Variants in SRMS observed in about 807,000 individuals in gnomAD.
SRMS encodes the protein tyrosine-protein kinase Srms.
SRMS carries 42 observed loss-of-function variants against 43.5 expected under a neutral mutation model. That is an observed-to-expected ratio of 0.97 (90% CI 0.75 to 1.25). The LOEUF (loss-of-function observed/expected upper bound fraction) is 1.25. Among genes scored for constraint, SRMS ranks in the 50% most tolerant of loss-of-function variants. SRMS has a pLI of 0.00. For synonymous variants in SRMS, 316 were observed against 308.2 expected, an observed-to-expected ratio of 1.03 and a Z score of -0.27; for missense variants, 703 against 681.0, an observed-to-expected ratio of 1.03 and a Z score of -0.36.
At chr20:63,545,817 C>T (rs965077016) in intron 1 of SRMS, among the ~76,000 whole-genome samples, 2 of 152,112 alleles carry the variant, frequency 1.3e-5, no homozygotes, top group Admixed American at 1.3e-4. Context: ...GAGACGCAAC[C>T]CTCTCACGTG....
At position 63,547,113 on chromosome 20, in the gene SRMS, G is replaced by A. The variant is rs758766522; in HGVS notation, c.351C>T (p.Asp117=). The change falls in exon 1 of 8, where the codon GAC becomes GAT. Residue 117 remains aspartate (D), a synonymous_variant. Coordinates refer to ENST00000217188, the MANE Select transcript of SRMS (RefSeq NM_080823.4). ...VAKASPETLS[D]QPWYFSGVSR... is the part of the protein sequence containing the mutation. ...TCCGAGGCCGAGGTACTCACGGTTG[G>A]TCTGAGAGCGTCTCAGGAGAAGCCT... The A allele has an allele frequency of 3.8e-6, 6 of 1,578,896 alleles. No homozygotes were observed. The highest frequency in any genetic ancestry group is 2.3e-5 in the South Asian group (2 of 86,920).
rs769815109 is a variant in SRMS at position 63,541,501 on chromosome 20, C to A, written c.1066G>T (p.Val356Leu). Reference sequence around the variant, plus strand: ...CAGGCCAGGCCGTCGTCCACGAGCACGTTCCGGGCGGCCAAGTCCCGGTGC... The same window carrying A: ...CAGGCCAGGCCGTCGTCCACGAGCAAGTTCCGGGCGGCCAAGTCCCGGTGC... ...VVHRDLAARN[V>L]LVDDGLACKV... is the part of the protein sequence containing the mutation. Residue 356 changes from valine to leucine, a missense_variant, in exon 6 of 8, where the codon GTG becomes TTG. Transcript: ENST00000217188. The A allele has an allele frequency of 2.5e-6, 4 of 1,608,048 alleles. No individual in the cohort carries two copies. The South Asian group carries it at 4.4e-5, about 18-fold the overall frequency.
At position 63,540,096 on chromosome 20, in the gene SRMS, G is replaced by T. The variant is rs1034755862; in HGVS notation, c.*722C>A. Among the ~76,000 whole-genome samples the T allele has an allele frequency of 6.6e-6, 1 of 152,200 alleles. No individual in the cohort carries two copies. The highest frequency in any genetic ancestry group is 1.5e-5 in the Non-Finnish European group (1 of 68,028). On this transcript the variant is annotated 3_prime_UTR_variant, in exon 8 of 8. Transcript: ENST00000217188. ...CGCTCCAGCTCCTGGGTCTGGGTTT[G>T]GGGGGCTGAGCCTGTGTGTGATGTG...
chr20:63,547,580 C>T lies in SRMS; in HGVS notation c.-117G>A. On this transcript the variant is annotated 5_prime_UTR_variant, in exon 1 of 8. Transcript: ENST00000217188. ...GCTCCCTGCCCTGGCCGTGGGGTGA[C>T]AGGGGACCCCGGCCCTGCGGTCACT... 1.0e-6 allele frequency: 1 copy of T among 981,810 alleles called. No homozygotes were observed. Among genetic ancestry groups the T allele is most frequent in the Non-Finnish European group, 1.4e-6 (1 of 704,680 alleles). The allele number at this position is 981,810 out of a possible 1,614,324, so 60.8% of individuals were successfully genotyped here.
In SRMS at chr20:63,542,422, A is replaced by G. The variant is rs1217405237; in HGVS notation, c.787+18T>C. 1.9e-6 allele frequency: 3 copies of G among 1,605,286 alleles called. No homozygotes were observed. The Admixed American group carries it at 5.0e-5, about 27-fold the overall frequency. ...CAGGTGCGGGGCCCGGCCGTGGCGCAGGATCTCGGGGCCTCACCTGACTTG... is the reference window on the plus strand; with the variant it reads ...CAGGTGCGGGGCCCGGCCGTGGCGCGGGATCTCGGGGCCTCACCTGACTTG... On this transcript the variant is annotated intron_variant, in intron 4 of 7. Transcript: ENST00000217188.
In SRMS at chr20:63,540,769, A is replaced by C; in HGVS notation, c.*49T>G. On this transcript the variant is annotated 3_prime_UTR_variant, in exon 8 of 8. Coordinates refer to ENST00000217188, the MANE Select transcript of SRMS (RefSeq NM_080823.4). ...CCCTTCGAGTTGGCGCTCTGCAGGG[A>C]GGAGGGGCTGGCCTGGCTGGAGCCC... The C allele has an allele frequency of 6.5e-7, 1 of 1,542,972 alleles. No individual in the cohort carries two copies. Among genetic ancestry groups the C allele is most frequent in the Middle Eastern group, 1.7e-4 (1 of 5,728 alleles).
rs142241990 is a variant in SRMS at position 63,547,246 on chromosome 20, C to T, written c.218G>A (p.Arg73His). ...GAGGGCACAGAGCCTGTCCCCGCGG[C>T]GGACACTCAGCTCCCCGCCACACCG... The part of the protein sequence containing the change: ...TARCGGELSV[R>H]RGDRLCALEE... Residue 73 changes from arginine to histidine, a missense_variant, in exon 1 of 8, where the codon CGC becomes CAC. Physicochemically the swap from Arg to His is conservative, Grantham distance 29 (BLOSUM62 0). Transcript: ENST00000217188. The T allele has an allele frequency of 2.4e-5, 39 of 1,609,578 alleles. No individual in the cohort carries two copies. The highest frequency in any genetic ancestry group is 1.7e-4 in the Middle Eastern group (1 of 5,960).
intron 2 of SRMS, 128 bp downstream of exon 2, chr20:63,544,099 T>C (rs933284835): frequency 9.6e-6 from 11 of 1,145,998 alleles, no homozygotes; most frequent in Non-Finnish European, 1.2e-5. Context: ...GACCAGCATA[T>C]CTGCTGTTGG....
At chr20:63,545,357 G>T (rs572932907) in intron 1 of SRMS, among the ~76,000 whole-genome samples, 2 of 152,202 alleles carry the variant, frequency 1.3e-5, no homozygotes, top group Non-Finnish European at 2.9e-5. Context: ...CCTGGGACCC[G>T]GAGAGGGATG....
Position 63,541,563 on chromosome 20 carries a change from GC to G in SRMS, c.1003del (p.Ala335LeufsTer4). 6.3e-7 allele frequency: 1 copy of G among 1,582,408 alleles called. No individual in the cohort carries two copies. Among genetic ancestry groups the G allele is most frequent in the Non-Finnish European group, 8.6e-7 (1 of 1,167,074 alleles). ...CTCCTCCAGGTAGCTCATGCCCTCA[GC>G]CACCTGGCAGGCAAAGCCCAGGAGT... is the stretch of plus-strand genomic sequence containing the variant. ...PPLLGFACQVAEGMSYLEEQR... is the reference protein window; with the variant it reads ...PPLLGFACQVXEGMSYLEEQR... On this transcript the variant is annotated frameshift_variant, in exon 6 of 8. Transcript: ENST00000217188. LOFTEE classifies it high-confidence loss of function.
Position 63,547,529 on chromosome 20 carries a change from A to G in SRMS, c.-66T>C. 1 of 1,392,092 alleles carries G rather than the reference A, an allele frequency of 7.2e-7. No homozygotes were observed. Among genetic ancestry groups the G allele is most frequent in the Non-Finnish European group, 9.4e-7 (1 of 1,061,152 alleles). 86.2% of individuals were successfully genotyped at this position (1,392,092 alleles called of 1,614,324 possible). A position where few individuals can be genotyped will look rare whatever the true frequency, so the allele number is the denominator to read the frequency against. On this transcript the variant is annotated 5_prime_UTR_variant, in exon 1 of 8. Coordinates refer to ENST00000217188, the MANE Select transcript of SRMS (RefSeq NM_080823.4). ...CCGCGAGCCCGGAAGAGGAACTGGC[A>G]GGGCCGGTGGGACCCGGTGTCCAGC...
chr20:63,540,923 C>T lies in SRMS; in HGVS notation c.1362G>A (p.Glu454=), dbSNP rs1427182053. ...RLPRPAACPA[E]VYVLMLECWR... is the part of the protein sequence containing the mutation. ...AGCACTCCAGCATGAGCACGTAGAC[C>T]TCCGCCGGGCAGGCAGCCGGGCGCG... The change falls in exon 8 of 8, where the codon GAG becomes GAA. Residue 454 remains glutamate (E), a synonymous_variant. Coordinates refer to ENST00000217188, the MANE Select transcript of SRMS (RefSeq NM_080823.4). 1 of 1,606,582 alleles carries T rather than the reference C, an allele frequency of 6.2e-7. No individual in the cohort carries two copies. Among genetic ancestry groups the T allele is most frequent in the African/African-American group, 1.3e-5 (1 of 74,912 alleles).
intron 6 of SRMS, 32 bp downstream of exon 6, chr20:63,541,407 C>T (rs749609620): frequency 5.1e-6 from 8 of 1,572,078 alleles, no homozygotes; most frequent in South Asian, 1.2e-5. Flanking sequence ...CACCCACCCC[C>T]TCTGGGTCAG....
rs370767257 is a variant in SRMS, at chr20:63,542,666, C to A, written c.646-85G>T. The stretch of plus-strand genomic sequence containing the variant: ...ACAGCCCCCCACACCAGGCCTCTGG[C>A]GGGCACCCCTGTCCCCAGCACACAC... On this transcript the variant is annotated intron_variant, in intron 3 of 7. Transcript: ENST00000217188. 4.8e-6 allele frequency: 7 copies of A among 1,455,472 alleles called. No individual in the cohort carries two copies. The African/African-American group carries it at 7.1e-5, about 15-fold the overall frequency. The allele number at this position is 1,455,472 out of a possible 1,614,324, so 90.2% of individuals were successfully genotyped here. A position where few individuals can be genotyped will look rare whatever the true frequency, so the allele number is the denominator to read the frequency against.
rs1488364906 is a variant in SRMS, at chr20:63,543,351, A to G, written c.608T>C (p.Leu203Pro). The G allele has an allele frequency of 6.2e-7, 1 of 1,612,790 alleles. No individual in the cohort carries two copies. The stretch of plus-strand genomic sequence containing the variant: ...GGGCTGCAGCAGGGGGTTCTGGATC[A>G]GCTTCCAGTTGGCCTTGTAGTAGGT... The part of the protein sequence containing the change: ...LLTYYKANWK[L>P]IQNPLLQPCM... The change falls in exon 3 of 8, where the codon CTG becomes CCG. Residue 203 changes from leucine (L) to proline (P), a missense_variant. Transcript: ENST00000217188.
intron 2 of SRMS, among the ~76,000 whole-genome samples, chr20:63,543,892 T>G (rs1784145029): frequency 6.6e-6 from 1 of 151,540 alleles, no homozygotes; most frequent in African/African-American, 2.4e-5. Context: ...AATGAACGAG[T>G]GAATGAGTGG....
At position 63,540,851 on chromosome 20, in the gene SRMS, C is replaced by T. The variant is rs778921604; in HGVS notation, c.1434G>A (p.Glu478=). Residue 478 remains glutamate, a synonymous_variant, in exon 8 of 8, where the codon GAG becomes GAA. Transcript: ENST00000217188. The part of the protein sequence containing the change: ...EERPSFATLR[E]KLHAIHRCHP The stretch of plus-strand genomic sequence containing the variant: ...GGCATCTGTGGATGGCGTGCAGCTT[C>T]TCCCGCAGCGTGGCGAAGGAGGGCC... 4.4e-6 allele frequency: 7 copies of T among 1,605,434 alleles called. No homozygotes were observed. The South Asian group carries it at 7.7e-5, about 18-fold the overall frequency.
chr20:63,542,162 C>CAG lies in SRMS; in HGVS notation c.946_946+1insCT (p.Glu318ProfsTer22). The stretch of plus-strand genomic sequence containing the variant: ...CACGTGGCAGCAGGGAGGGGACTCA[C>CAG]TGCCCAGGAAGGCCTGCAGGTTCCC... On this transcript the variant is annotated frameshift_variant and splice_region_variant. Coordinates refer to ENST00000217188, the MANE Select transcript of SRMS (RefSeq NM_080823.4). LOFTEE classifies it high-confidence loss of function. The CAG allele has an allele frequency of 6.2e-7, 1 of 1,605,084 alleles. No homozygotes were observed. The highest frequency in any genetic ancestry group is 2.2e-5 in the East Asian group (1 of 44,516).
chr20:63,544,024 G>T (rs932797026), intron 2 of SRMS, among the ~76,000 whole-genome samples: 3 of 152,258 alleles, frequency 2.0e-5, no homozygotes, highest in African/African-American at 7.2e-5. Flanking sequence ...ATGAGTGACT[G>T]AATGAATGAG....
Sources: allele counts gnomAD v4.1 joint callset (sites outside exome capture counted in the v4.1 genomes callset), GRCh38; gene constraint gnomAD v4.1.1; transcripts MANE v1.5; gene names NCBI Gene and HGNC (gene_info 2026-07-23, HGNC 2026-07-21).